ZNF704: variants seen among roughly 807,000 people sequenced by gnomAD.
ZNF704 encodes the protein glucocorticoid induced gene 1.
In ZNF704, 10 loss-of-function variants were observed where a neutral mutation model predicts 44.7. The observed-to-expected ratio is 0.22, with a 90% confidence interval of 0.14 to 0.38. The LOEUF (loss-of-function observed/expected upper bound fraction) is 0.38. Ranked by LOEUF, ZNF704 falls within the 10% of genes least tolerant of loss-of-function variation. ZNF704 has a pLI of 1.00. For missense variants in ZNF704, 390 were observed against 545.5 expected, an observed-to-expected ratio of 0.71 and a Z score of 2.84; for synonymous variants, 211 against 207.6, an observed-to-expected ratio of 1.02 and a Z score of -0.14.
At chr8:80,770,025 T>G (rs1807293194) in intron 2 of ZNF704, among the ~76,000 whole-genome samples, 1 of 152,138 alleles carries the variant, frequency 6.6e-6, no homozygotes, top group Non-Finnish European at 1.5e-5. Flanking sequence ...AAAGAACTTG[T>G]GCAGGGAAAC....
At chr8:80,791,299 G>T (rs992923863) in intron 2 of ZNF704, among the ~76,000 whole-genome samples, 4 of 152,344 alleles carry the variant, frequency 2.6e-5, no homozygotes, top group African/African-American at 7.2e-5. Flanking sequence ...GCATGCAAAG[G>T]TGAGGTGGAG....
chr8:80,796,104 T>G (rs1430513222), intron 2 of ZNF704, among the ~76,000 whole-genome samples: 2 of 152,212 alleles, frequency 1.3e-5, no homozygotes, highest in African/African-American at 4.8e-5. Context: ...ATTCTGTTGC[T>G]TATAACAGAA....
intron 4 of ZNF704, among the ~76,000 whole-genome samples, chr8:80,672,418 T>C (rs1818296616): frequency 6.6e-6 from 1 of 152,184 alleles, no homozygotes; most frequent in Non-Finnish European, 1.5e-5. Flanking sequence ...CATTACTGGG[T>C]GTATACCCAA....
chr8:80,752,314 G>GA (rs147678090), intron 2 of ZNF704, among the ~76,000 whole-genome samples: 15,403 of 146,208 alleles, frequency 0.11, 991 homozygotes, highest in South Asian at 0.32. Flanking sequence ...AGATAAAAAG[G>GA]AAAAAAAAAA....
intron 2 of ZNF704, among the ~76,000 whole-genome samples, chr8:80,813,720 T>C (rs1167088935): frequency 6.6e-6 from 1 of 151,850 alleles, no homozygotes; most frequent in African/African-American, 2.4e-5. Context: ...CTACTAAAAA[T>C]ACAAAAAAAT....
chr8:80,640,794 AAAAC>A lies in ZNF704; in HGVS notation c.*568_*571del, dbSNP rs1163931259. The A allele has an allele frequency of 3.3e-5, 5 of 152,296 alleles. No individual in the cohort carries two copies. Among genetic ancestry groups the A allele is most frequent in the Admixed American group, 3.3e-4 (5 of 15,276 alleles). The allele number at this position is 152,296 out of a possible 1,614,324, so 9.4% of individuals were successfully genotyped here. On this transcript the variant is annotated 3_prime_UTR_variant, in exon 9 of 9. Coordinates refer to ENST00000327835, the MANE Select transcript of ZNF704 (RefSeq NM_001033723.3). ...TCAGTGTGGGGCCATTCTTAAAAGA[AAAAC>A]AAACAAAAAGCCATAGAAAAGATGC...
At position 80,629,664 on chromosome 8, in the gene ZNF704, T is replaced by C. The variant is rs1253673979; in HGVS notation, c.*11702A>G. 1 of 151,378 alleles carries C rather than the reference T, an allele frequency of 6.6e-6. No individual in the cohort carries two copies. Among genetic ancestry groups the C allele is most frequent in the African/African-American group, 2.5e-5 (1 of 40,670 alleles). The allele number at this position is 151,378 out of a possible 1,614,324, so 9.4% of individuals were successfully genotyped here. ...GATATTCTATATAGACTTTCCAAAA[T>C]ATAAGTAATTTTGAAAAAAGATCAA... On this transcript the variant is annotated 3_prime_UTR_variant, in exon 9 of 9. Transcript: ENST00000327835.
chr8:80,757,298 T>C (rs942604525), intron 2 of ZNF704, among the ~76,000 whole-genome samples: 3 of 152,160 alleles, frequency 2.0e-5, no homozygotes, highest in African/African-American at 7.2e-5. Flanking sequence ...CTAATGTGTG[T>C]ATTTATGTCT....
chr8:80,692,300 G>A (rs1818651250), intron 3 of ZNF704, among the ~76,000 whole-genome samples: 1 of 152,196 alleles, frequency 6.6e-6, no homozygotes, highest in South Asian at 2.1e-4. Flanking sequence ...ATCTCTGTGA[G>A]CCTTAGTTTA....
At chr8:80,877,422 A>G (rs1809370187), upstream of ZNF704, among the ~76,000 whole-genome samples, 1 of 152,152 alleles carries the variant, frequency 6.6e-6, no homozygotes, top group East Asian at 1.9e-4. Context: ...GAATCAAGAA[A>G]AGATCTCATG....
chr8:80,810,853 T>C (rs1808069490), intron 2 of ZNF704, among the ~76,000 whole-genome samples: 1 of 152,210 alleles, frequency 6.6e-6, no homozygotes, highest in African/African-American at 2.4e-5. Context: ...TCCAGCTAAA[T>C]ACTGCCTGGC....
chr8:80,718,132 A>G (rs968564543), intron 2 of ZNF704, among the ~76,000 whole-genome samples: 5 of 151,888 alleles, frequency 3.3e-5, no homozygotes, highest in Admixed American at 6.6e-5. Context: ...CATTTTATTA[A>G]AGTCAGTATG....
chr8:80,775,741 T>A (rs1308185961), intron 2 of ZNF704, among the ~76,000 whole-genome samples: 1 of 152,166 alleles, frequency 6.6e-6, no homozygotes, highest in Non-Finnish European at 1.5e-5. Context: ...TACAATACAG[T>A]TGTTTGAATA....
intron 2 of ZNF704, among the ~76,000 whole-genome samples, chr8:80,762,439 T>C (rs1305754110): frequency 6.6e-6 from 1 of 152,118 alleles, no homozygotes; most frequent in Non-Finnish European, 1.5e-5. Context: ...GGCAGGAGAC[T>C]GAAGTGCAAG....
chr8:80,781,060 G>T (rs1807514246), intron 2 of ZNF704, among the ~76,000 whole-genome samples: 1 of 152,116 alleles, frequency 6.6e-6, no homozygotes, highest in Non-Finnish European at 1.5e-5. Flanking sequence ...GAAAAAGTAG[G>T]GCAGAATCTT....
chr8:80,762,980 T>C (rs1352730765), intron 2 of ZNF704, among the ~76,000 whole-genome samples: 1 of 152,230 alleles, frequency 6.6e-6, no homozygotes, highest in African/African-American at 2.4e-5. Flanking sequence ...ATAACCTCTT[T>C]TGACTCCATA....
intron 2 of ZNF704, among the ~76,000 whole-genome samples, chr8:80,730,940 T>C (rs1806571132): frequency 6.6e-6 from 1 of 152,210 alleles, no homozygotes; most frequent in African/African-American, 2.4e-5. Flanking sequence ...AAACCAACTT[T>C]TTAAGACATT....
At chr8:80,812,787 T>C (rs1808110612) in intron 2 of ZNF704, among the ~76,000 whole-genome samples, 1 of 152,230 alleles carries the variant, frequency 6.6e-6, no homozygotes. Flanking sequence ...TAGTTCACAT[T>C]AAATTTCTAT....
At chr8:80,732,952 TAAAA>T (rs59640222) in intron 2 of ZNF704, among the ~76,000 whole-genome samples, 8 of 78,652 alleles carry the variant, frequency 1.0e-4, no homozygotes, top group Admixed American at 3.1e-4. Flanking sequence ...AGACCTTGCC[TAAAA>T]AAAAAAAAAA....
Sources: allele counts gnomAD v4.1 joint callset (sites outside exome capture counted in the v4.1 genomes callset), GRCh38; gene constraint gnomAD v4.1.1; transcripts MANE v1.5; gene names NCBI Gene and HGNC (gene_info 2026-07-23, HGNC 2026-07-21).